The following OTULIN variants were observed in gnomAD, a reference collection of about 807,000 sequenced individuals.
OTULIN encodes the protein ubiquitin thioesterase otulin.
In OTULIN, 15 loss-of-function variants were observed where a neutral mutation model predicts 39.6. The observed-to-expected ratio is 0.38, with a 90% CI of 0.25 to 0.58. The LOEUF (loss-of-function observed/expected upper bound fraction) is 0.58. Ranked by LOEUF, OTULIN falls within the 20% of genes least tolerant of loss-of-function variation. The pLI is 0.66. For missense variants in OTULIN, 319 were observed against 445.9 expected (o/e 0.72, Z 2.56); for synonymous variants, 156 against 170.3 (o/e 0.92, Z 0.65).
the OTULIN span, among the ~76,000 whole-genome samples, chr5:14,711,549 C>A: frequency 1.3e-5 from 2 of 152,178 alleles, no homozygotes; most frequent in Non-Finnish European, 2.9e-5. Context: ...CGGAGGACAC[C>A]ATGTCCCACT....
intron 1 of OTULIN, among the ~76,000 whole-genome samples, chr5:14,667,236 T>C (rs534715856): frequency 2.9e-4 from 44 of 152,356 alleles, no homozygotes; most frequent in Non-Finnish European, 5.1e-4. Flanking sequence ...CTGAAGGCTG[T>C]GGTGACGAGT....
downstream of OTULIN, among the ~76,000 whole-genome samples, chr5:14,703,130 GA>G (rs1210673408): frequency 6.6e-6 from 1 of 152,032 alleles, no homozygotes; most frequent in African/African-American, 2.4e-5. Context: ...AAAAGCAGCA[GA>G]CAGAATGAGG....
intron 1 of OTULIN, among the ~76,000 whole-genome samples, chr5:14,666,250 A>T (rs1337732467): frequency 1.3e-5 from 2 of 152,214 alleles, no homozygotes; most frequent in African/African-American, 4.8e-5. Flanking sequence ...ATATGTAGTT[A>T]TTTGGCAAGT....
At chr5:14,712,713 T>C in the OTULIN span, among the ~76,000 whole-genome samples, 11 of 152,052 alleles carry the variant, frequency 7.2e-5, no homozygotes. Context: ...CTTACCCCAC[T>C]CCCATTAGGC....
the OTULIN span, among the ~76,000 whole-genome samples, chr5:14,711,673 A>T: frequency 6.6e-6 from 1 of 152,208 alleles, no homozygotes; most frequent in African/African-American, 2.4e-5. Context: ...TAAAGCCTCA[A>T]GCTTGGAATC....
At chr5:14,680,765 T>A (rs1045996681) in intron 3 of OTULIN, among the ~76,000 whole-genome samples, 3 of 152,186 alleles carry the variant, frequency 2.0e-5, no homozygotes, top group Non-Finnish European at 4.4e-5. Context: ...GACACTTCAC[T>A]TAAGAAAAGA....
intron 1 of OTULIN, 66 bp from the exon 2 acceptor site, chr5:14,673,576 G>C: frequency 6.9e-7 from 1 of 1,440,054 alleles, no homozygotes; most frequent in Non-Finnish European, 9.7e-7. Context: ...GTAAGCAGCT[G>C]TATAATAGGA....
At chr5:14,704,060 G>A (rs1374674392), downstream of OTULIN, among the ~76,000 whole-genome samples, 1 of 152,110 alleles carries the variant, frequency 6.6e-6, no homozygotes, top group Non-Finnish European at 1.5e-5. Context: ...GGCCGGGCGT[G>A]GTGGCTCACG....
At chr5:14,706,165 G>GAAAA in the OTULIN span, 1 of 152,278 alleles carries the variant, frequency 6.6e-6, no homozygotes, top group South Asian at 2.1e-4. Flanking sequence ...GTCAAGTCTT[G>GAAAA]TTAGTAAAGT....
chr5:14,673,754 T>C lies in OTULIN; in HGVS notation c.229+36T>C, dbSNP rs776377347. 1.9e-5 allele frequency: 30 copies of C among 1,570,068 alleles called. No homozygotes were observed. The East Asian group carries it at 5.6e-4, about 29-fold the overall frequency. ...AATTGTTTTATTTATAGAGTTCTTA[T>C]TGTTTATAGCAGAAAATGCAGTTAA... On this transcript the variant is annotated intron_variant, in intron 2 of 6. Transcript: ENST00000284274.
At chr5:14,665,507 T>C (rs1735813820) in intron 1 of OTULIN, among the ~76,000 whole-genome samples, 1 of 152,200 alleles carries the variant, frequency 6.6e-6, no homozygotes, top group Admixed American at 6.5e-5. Context: ...AAAAGGAAAG[T>C]CAGTGCTGGT....
chr5:14,673,230 A>G (rs934937300), intron 1 of OTULIN, among the ~76,000 whole-genome samples: 4 of 152,196 alleles, frequency 2.6e-5, no homozygotes, highest in East Asian at 1.9e-4. Context: ...AAGGTCGGCA[A>G]TGGGGCCTGC....
At chr5:14,705,381 A>C in the OTULIN span, 1 of 152,236 alleles carries the variant, frequency 6.6e-6, no homozygotes, top group Non-Finnish European at 1.5e-5. Flanking sequence ...ACGACGTTCT[A>C]AATCCTAGAT....
At chr5:14,711,029 G>GCATACCCAGTAT in the OTULIN span, 1 of 693,832 alleles carries the variant, frequency 1.4e-6, no homozygotes, top group Non-Finnish European at 2.6e-6. Context: ...GTCAGTGTGA[G>GCATACCCAGTAT]CATACCCAGT....
intron 3 of OTULIN, 49 bp from the exon 4 acceptor site, chr5:14,681,415 A>G (rs780480926): frequency 1.6e-5 from 25 of 1,547,308 alleles, no homozygotes; most frequent in Non-Finnish European, 2.2e-5. Context: ...TTTCTCTGCT[A>G]TCTCAAGTCA....
rs1268481720 is a variant in OTULIN at position 14,699,215 on chromosome 5, A to G, written c.*6167A>G. The G allele has an allele frequency of 6.6e-6, 1 of 152,262 alleles. No homozygotes were observed. Among genetic ancestry groups the G allele is most frequent in the African/African-American group, 2.4e-5 (1 of 41,452 alleles). 9.4% of individuals were successfully genotyped at this position (152,262 alleles called of 1,614,324 possible). A position where few individuals can be genotyped will look rare whatever the true frequency, so the allele number is the denominator to read the frequency against. On this transcript the variant is annotated 3_prime_UTR_variant, in exon 7 of 7. Coordinates refer to ENST00000284274, the MANE Select transcript of OTULIN (RefSeq NM_138348.6). Reference sequence around the variant, plus strand: ...AAGAACTTCAACAAATTGCTTATGAATCAGGCTCTCAATGGAAGAAGTTAA... The same window carrying G: ...AAGAACTTCAACAAATTGCTTATGAGTCAGGCTCTCAATGGAAGAAGTTAA...
chr5:14,687,011 T>G (rs1397929808), intron 4 of OTULIN, among the ~76,000 whole-genome samples: 2 of 152,254 alleles, frequency 1.3e-5, no homozygotes, highest in African/African-American at 2.4e-5. Context: ...GTGTTAACAT[T>G]ATTTAACCAA....
rs1473260113 is a variant in OTULIN at position 14,694,822 on chromosome 5, A to AT, written c.*1776dup. The stretch of plus-strand genomic sequence containing the variant: ...GAATAAGAAGGTACCTAGAAGCCAA[A>AT]TTAAAGTAATAATGACTTCTTATTG... On this transcript the variant is annotated 3_prime_UTR_variant, in exon 7 of 7. Transcript: ENST00000284274. The AT allele has an allele frequency of 6.5e-6, 1 of 152,694 alleles. No homozygotes were observed. The highest frequency in any genetic ancestry group is 1.5e-5 in the Non-Finnish European group (1 of 68,050). The allele number at this position is 152,694 out of a possible 1,614,324, so 9.5% of individuals were successfully genotyped here.
Position 14,681,542 on chromosome 5 carries a change from C to G in OTULIN, c.403C>G (p.Leu135Val). ...TAATTACTGTGCACTGAGGGCCACG[C>G]TGTTCCAGGCCATGAGCCAGGCTGT... Reference protein sequence around the residue: ...GDNYCALRATLFQAMSQAVGL... With the variant: ...GDNYCALRATVFQAMSQAVGL... Residue 135 changes from leucine (L) to valine (V), a missense_variant, in exon 4 of 7, where the codon CTG becomes GTG. Transcript: ENST00000284274. 6.2e-7 allele frequency: 1 copy of G among 1,614,188 alleles called. No homozygotes were observed. The highest frequency in any genetic ancestry group is 2.2e-5 in the East Asian group (1 of 44,890).
Sources: gnomAD v4.1 joint callset for allele counts (sites outside exome capture counted in the v4.1 genomes callset) on GRCh38, gnomAD v4.1.1 for gene constraint, MANE v1.5 for transcripts, NCBI Gene and HGNC (gene_info 2026-07-23, HGNC 2026-07-21) for gene names.